Variants in CELA3A observed in about 807,000 individuals in gnomAD.
The protein encoded by CELA3A is chymotrypsin-like elastase family member 3A.
In CELA3A, 35 loss-of-function variants were observed where a neutral mutation model predicts 38.6. The observed-to-expected ratio is 0.91, with a 90% confidence interval of 0.69 to 1.20. CELA3A has a LOEUF of 1.20. Among genes scored for constraint, CELA3A ranks in the 50% most tolerant of loss-of-function variants. The probability of loss-of-function intolerance (pLI) is 0.00; values close to 1 mark genes in which losing one functional copy is unlikely to be tolerated. For missense variants in CELA3A, 343 were observed against 354.2 expected (o/e 0.97, Z 0.25); for synonymous variants, 143 against 136.7 (o/e 1.05, Z -0.32).
At chr1:22,011,090 AC>A (rs1437423141) in intron 7 of CELA3A, 2 of 151,774 alleles carry the variant, frequency 1.3e-5, no homozygotes, top group Non-Finnish European at 2.9e-5. Context: ...CAATAAAAAA[AC>A]ATTTCTGGTC....
At chr1:22,008,714 G>T (rs1012601716) in intron 6 of CELA3A, among the ~76,000 whole-genome samples, 6 of 149,944 alleles carry the variant, frequency 4.0e-5, no homozygotes, top group Admixed American at 4.0e-4. Context: ...AGCCGAGATC[G>T]CGCCACTGCA....
At chr1:22,004,061 CT>C in intron 2 of CELA3A, among the ~76,000 whole-genome samples, 2 of 122,694 alleles carry the variant, frequency 1.6e-5, no homozygotes, top group South Asian at 2.6e-4. Context: ...TTTTTCTTTT[CT>C]TTTCTTTTCT....
intron 4 of CELA3A, among the ~76,000 whole-genome samples, chr1:22,006,459 G>A (rs560484253): frequency 1.3e-5 from 2 of 151,340 alleles, no homozygotes; most frequent in African/African-American, 4.9e-5. Context: ...CTCGGGAGGC[G>A]GAGGCTGCAG....
intron 2 of CELA3A, among the ~76,000 whole-genome samples, chr1:22,005,162 G>C (rs567060663): frequency 0.012 from 1,768 of 150,984 alleles, 51 homozygotes; most frequent in African/African-American, 0.042. Flanking sequence ...TTCAAGGGCT[G>C]TTAAGAGACA....
At chr1:22,001,910 A>G (rs1363250381) in intron 1 of CELA3A, among the ~76,000 whole-genome samples, 193 bp downstream of exon 1, 3 of 150,962 alleles carry the variant, frequency 2.0e-5, no homozygotes, top group African/African-American at 4.9e-5. Flanking sequence ...GAAGCTGTGG[A>G]TGGTGAAAGA....
At chr1:22,005,628 G>A (rs773020499) in intron 3 of CELA3A, 34 bp from the exon 4 acceptor site, 3 of 1,612,354 alleles carry the variant, frequency 1.9e-6, no homozygotes, top group Non-Finnish European at 2.5e-6. Context: ...AGGTGAGCCA[G>A]TCAGGCCCCG....
intron 6 of CELA3A, among the ~76,000 whole-genome samples, chr1:22,007,905 GC>G (rs2152819664): frequency 6.6e-6 from 1 of 151,138 alleles, no homozygotes; most frequent in South Asian, 2.1e-4. Context: ...TAATCCAAGT[GC>G]TTTGGGAGGC....
At chr1:22,002,211 G>T (rs1644922434) in intron 1 of CELA3A, among the ~76,000 whole-genome samples, 1 of 151,228 alleles carries the variant, frequency 6.6e-6, no homozygotes, top group Non-Finnish European at 1.5e-5. Flanking sequence ...ATGCCAGGCA[G>T]AATGTTTAGG....
In CELA3A at chr1:22,008,560, T is replaced by C. The variant is rs58373352; in HGVS notation, c.642+1045T>C. On this transcript the variant is annotated intron_variant, in intron 6 of 7. Coordinates refer to ENST00000290122, the MANE Select transcript of CELA3A (RefSeq NM_005747.5). ...GGATCACGAGGTCAGGAGATCGAGA[T>C]CATCCTGGCTAACATGGTGAAACCT... Among the ~76,000 whole-genome samples, 20 of 149,124 alleles carry C rather than the reference T, an allele frequency of 1.3e-4. 1 individual carries two copies. The highest frequency in any genetic ancestry group is 2.2e-4 in the African/African-American group (9 of 40,150).
At position 22,009,280 on chromosome 1, in the gene CELA3A, C is replaced by T. The variant is rs371641510; in HGVS notation, c.643-425C>T. Among the ~76,000 whole-genome samples the T allele has an allele frequency of 5.7e-4, 86 of 151,518 alleles. 1 individual carries two copies. In the South Asian group the frequency reaches 0.017, roughly 30 times the overall value. On this transcript the variant is annotated intron_variant, in intron 6 of 7. Transcript: ENST00000290122. ...TTGGGAGGCTGAGGCAGGAGAATGG[C>T]GTGAACCCTGGAGGCAGAGCTTGCA... is the stretch of plus-strand genomic sequence containing the variant.
At chr1:22,008,064 G>A (rs1178596609) in intron 6 of CELA3A, among the ~76,000 whole-genome samples, 2 of 150,558 alleles carry the variant, frequency 1.3e-5, no homozygotes, top group African/African-American at 4.9e-5. Context: ...TGAGGTGGGA[G>A]GATTGTTTGA....
rs1210064861 is a variant in CELA3A at position 22,006,890 on chromosome 1, C to A, written c.375C>A (p.Ala125=). The change falls in exon 5 of 8, where the codon GCC becomes GCA. Residue 125 remains alanine, a synonymous_variant. Coordinates refer to ENST00000290122, the MANE Select transcript of CELA3A (RefSeq NM_005747.5). ...RSCVACGNDI[A]LIKLSRSAQL... ...CCCTCCTCCCCAGCAATGACATCGC[C>A]CTCATCAAGCTCTCACGCAGCGCCC... is the stretch of plus-strand genomic sequence containing the variant. 4 of 1,612,122 alleles carry A rather than the reference C, an allele frequency of 2.5e-6. No individual in the cohort carries two copies. The highest frequency in any genetic ancestry group is 3.4e-6 in the Non-Finnish European group (4 of 1,179,366).
In CELA3A at chr1:22,008,568, G is replaced by C. The variant is rs546936651; in HGVS notation, c.642+1053G>C. ...AGGTCAGGAGATCGAGATCATCCTG[G>C]CTAACATGGTGAAACCTCGTCTCTA... On this transcript the variant is annotated intron_variant, in intron 6 of 7. Coordinates refer to ENST00000290122, the MANE Select transcript of CELA3A (RefSeq NM_005747.5). Among the ~76,000 whole-genome samples, 38 of 150,728 alleles carry C rather than the reference G, an allele frequency of 2.5e-4. 1 individual carries two copies. Among genetic ancestry groups the C allele is most frequent in the African/African-American group, 9.3e-4 (38 of 40,656 alleles).
At position 22,007,067 on chromosome 1, in the gene CELA3A, C is replaced by A; in HGVS notation, c.499+53C>A. ...CAGAGACAGTGGCAGAAAGACAGGG[C>A]CTGGGGGCTGCAGGTTGAAGGTAAC... On this transcript the variant is annotated intron_variant, in intron 5 of 7. Coordinates refer to ENST00000290122, the MANE Select transcript of CELA3A (RefSeq NM_005747.5). 1.2e-5 allele frequency: 19 copies of A among 1,596,562 alleles called. 1 individual carries two copies. The highest frequency in any genetic ancestry group is 1.6e-5 in the Non-Finnish European group (19 of 1,168,980).
At position 22,012,122 on chromosome 1, in the gene CELA3A, C is replaced by T. The variant is rs1192648344; in HGVS notation, c.796-328C>T. Among the ~76,000 whole-genome samples, 3 of 127,168 alleles carry T rather than the reference C, an allele frequency of 2.4e-5. 1 individual carries two copies. The highest frequency in any genetic ancestry group is 4.8e-5 in the Non-Finnish European group (3 of 61,884). 83.4% of individuals were successfully genotyped at this position (127,168 alleles called of 152,430 possible). A position where few individuals can be genotyped will look rare whatever the true frequency, so the allele number is the denominator to read the frequency against. On this transcript the variant is annotated intron_variant, in intron 7 of 7. Transcript: ENST00000290122. ...ACATACATACGTATATATATATACA[C>T]AAACACATACGTATATATACACACA...
intron 7 of CELA3A, among the ~76,000 whole-genome samples, chr1:22,010,400 C>T (rs368313650): frequency 6.6e-5 from 10 of 150,932 alleles, no homozygotes; most frequent in East Asian, 3.9e-4. Flanking sequence ...AGGTGGATCA[C>T]GAGGTTAGGA....
chr1:22,006,889 C>T lies in CELA3A; in HGVS notation c.374C>T (p.Ala125Val), dbSNP rs200276844. ...RSCVACGNDI[A>V]LIKLSRSAQL... ...TCCCTCCTCCCCAGCAATGACATCG[C>T]CCTCATCAAGCTCTCACGCAGCGCC... Residue 125 changes from alanine to valine, a missense_variant, in exon 5 of 8, where the codon GCC (alanine) becomes GTC (valine). Physicochemically the swap from Ala to Val is moderately conservative, Grantham distance 64. Transcript: ENST00000290122. The T allele has an allele frequency of 3.7e-6, 6 of 1,612,140 alleles. No individual in the cohort carries two copies. Among genetic ancestry groups the T allele is most frequent in the Non-Finnish European group, 5.1e-6 (6 of 1,179,380 alleles).
At chr1:22,004,066 CT>C (rs1489895757) in intron 2 of CELA3A, among the ~76,000 whole-genome samples, 7 of 114,844 alleles carry the variant, frequency 6.1e-5, no homozygotes, top group East Asian at 4.4e-4. Context: ...CTTTTCTTTT[CT>C]TTTCTTTGTT....
At position 22,002,913 on chromosome 1, in the gene CELA3A, A is replaced by T. The variant is rs1644926703; in HGVS notation, c.44-90A>T. ...GGGGCTTGCATGGGGTCACACAGCC[A>T]GTTGAAGGCATGGCTTGGACTGGGA... On this transcript the variant is annotated intron_variant, in intron 1 of 7. Transcript: ENST00000290122. The T allele has an allele frequency of 3.4e-6, 4 of 1,193,290 alleles. 1 individual carries two copies. The South Asian group carries it at 3.8e-5, about 11-fold the overall frequency. The allele number at this position is 1,193,290 out of a possible 1,614,324, so 73.9% of individuals were successfully genotyped here.
Sources: allele counts gnomAD v4.1 joint callset (sites outside exome capture counted in the v4.1 genomes callset), GRCh38; gene constraint gnomAD v4.1.1; transcripts MANE v1.5; gene names NCBI Gene and HGNC (gene_info 2026-07-23, HGNC 2026-07-21).